Variants in VEPH1 observed in about 807,000 individuals in gnomAD.
VEPH1 encodes the protein ventricular zone-expressed PH domain-containing protein homolog 1.
VEPH1 carries 80 observed loss-of-function variants against 85.2 expected under a neutral mutation model. The observed-to-expected ratio is 0.94, with a 90% CI of 0.78 to 1.13. The LOEUF is 1.13. Among genes scored for constraint, VEPH1 ranks in the 50% most tolerant of loss-of-function variants. VEPH1 has a pLI of 0.00. For missense variants in VEPH1, 955 were observed against 980.5 expected, an observed-to-expected ratio of 0.97 and a Z score of 0.35; for synonymous variants, 297 against 348.0, an observed-to-expected ratio of 0.85 and a Z score of 1.63.
intron 4 of VEPH1, chr3:157,436,645 A>G (rs1733597451): frequency 7.3e-6 from 2 of 272,698 alleles, no homozygotes; most frequent in Non-Finnish European, 1.4e-5. Context: ...TTCCCCTCTG[A>G]CCCTCCTCCA....
At chr3:157,317,988 G>A (rs1014028411) in intron 9 of VEPH1, among the ~76,000 whole-genome samples, 2 of 152,126 alleles carry the variant, frequency 1.3e-5, no homozygotes, top group Non-Finnish European at 1.5e-5. Context: ...TAAAGATGAG[G>A]TAACAGCACA....
chr3:157,393,437 T>G (rs868017397), intron 6 of VEPH1, among the ~76,000 whole-genome samples: 17 of 152,228 alleles, frequency 1.1e-4, no homozygotes, highest in African/African-American at 3.9e-4. Context: ...AAAACAATGC[T>G]ATCAATGAAT....
chr3:157,491,642 T>G (rs904989110), intron 2 of VEPH1, among the ~76,000 whole-genome samples: 1 of 152,158 alleles, frequency 6.6e-6, no homozygotes, highest in Admixed American at 6.6e-5. Flanking sequence ...GGAGGCTTGT[T>G]TGCCACATTT....
intron 8 of VEPH1, 116 bp from the exon 9 acceptor site, chr3:157,363,877 A>T (rs751808477): frequency 1.2e-5 from 15 of 1,205,452 alleles, no homozygotes; most frequent in Non-Finnish European, 1.7e-5. Flanking sequence ...TGAAACTATT[A>T]ACAGGCCTGA....
intron 6 of VEPH1, 94 bp from the exon 7 acceptor site, chr3:157,381,470 T>C: frequency 7.8e-7 from 1 of 1,283,846 alleles, no homozygotes; most frequent in South Asian, 1.3e-5. Context: ...TTTGGGAGGC[T>C]GAGGTGGGTG....
chr3:157,483,303 G>T (rs990739980), intron 2 of VEPH1, among the ~76,000 whole-genome samples: 1 of 151,936 alleles, frequency 6.6e-6, no homozygotes, highest in Non-Finnish European at 1.5e-5. Flanking sequence ...CACTTTGAAG[G>T]TACAACACTC....
At chr3:157,268,405 G>A (rs1279379704) in intron 12 of VEPH1, among the ~76,000 whole-genome samples, 1 of 151,850 alleles carries the variant, frequency 6.6e-6, no homozygotes, top group Non-Finnish European at 1.5e-5. Flanking sequence ...AGAAAAAAGG[G>A]GAAAAATAAG....
At chr3:157,473,780 A>C (rs1025245029) in intron 2 of VEPH1, among the ~76,000 whole-genome samples, 5 of 152,118 alleles carry the variant, frequency 3.3e-5, no homozygotes, top group African/African-American at 1.2e-4. Flanking sequence ...TATAATTTAC[A>C]ATATTAAAGA....
chr3:157,261,062 T>C lies in VEPH1; in HGVS notation c.*72A>G, dbSNP rs898205937. The C allele has an allele frequency of 9.0e-6, 14 of 1,563,192 alleles. No individual in the cohort carries two copies. Among genetic ancestry groups the C allele is most frequent in the Admixed American group, 3.8e-5 (2 of 53,302 alleles). The stretch of plus-strand genomic sequence containing the variant: ...AACAACATGGCTTGGTAAATTTAGC[T>C]CTTTTTCTTGACATTGGCAATGATA... On this transcript the variant is annotated 3_prime_UTR_variant, in exon 14 of 14. Coordinates refer to ENST00000362010, the MANE Select transcript of VEPH1 (RefSeq NM_001167912.2).
chr3:157,304,907 G>A (rs1719287662), intron 11 of VEPH1, among the ~76,000 whole-genome samples: 1 of 151,828 alleles, frequency 6.6e-6, no homozygotes, highest in South Asian at 2.1e-4. Flanking sequence ...CTGAAATATG[G>A]TATTTACTGT....
intron 9 of VEPH1, among the ~76,000 whole-genome samples, chr3:157,344,783 C>A (rs115134040): frequency 2.6e-5 from 4 of 152,086 alleles, no homozygotes; most frequent in Non-Finnish European, 4.4e-5. Flanking sequence ...CAATACTACA[C>A]GGCTACAATA....
intron 10 of VEPH1, among the ~76,000 whole-genome samples, chr3:157,316,420 G>A (rs1720762902): frequency 6.6e-6 from 1 of 151,384 alleles, no homozygotes; most frequent in Non-Finnish European, 1.5e-5. Flanking sequence ...GACGATCTGA[G>A]TTCTGCCCTT....
chr3:157,289,006 T>A (rs759085946), intron 11 of VEPH1, among the ~76,000 whole-genome samples: 47 of 152,310 alleles, frequency 3.1e-4, no homozygotes, highest in Admixed American at 9.2e-4. Flanking sequence ...GACTTTTTTT[T>A]TAAAAAGTAT....
At chr3:157,408,795 G>A (rs1731324263) in intron 6 of VEPH1, among the ~76,000 whole-genome samples, 1 of 152,072 alleles carries the variant, frequency 6.6e-6, no homozygotes, top group Non-Finnish European at 1.5e-5. Context: ...AGCTGTGAAG[G>A]TCTCAACGTA....
chr3:157,431,789 T>C (rs1232256454), intron 4 of VEPH1, among the ~76,000 whole-genome samples: 4 of 151,194 alleles, frequency 2.6e-5, no homozygotes, highest in Non-Finnish European at 5.9e-5. Flanking sequence ...ATTTTTGCTT[T>C]AATTTTCATT....
intron 11 of VEPH1, among the ~76,000 whole-genome samples, chr3:157,293,762 A>G (rs1717805635): frequency 6.6e-6 from 1 of 152,248 alleles, no homozygotes; most frequent in Non-Finnish European, 1.5e-5. Context: ...ATGAAGCTAT[A>G]TAACAAGTTT....
chr3:157,381,774 A>T (rs1236569176), intron 6 of VEPH1: 1 of 186,288 alleles, frequency 5.4e-6, no homozygotes, highest in East Asian at 1.4e-4. Context: ...TGAGCAGCAG[A>T]TGATAATTCT....
intron 2 of VEPH1, among the ~76,000 whole-genome samples, chr3:157,484,549 C>A (rs1479077035): frequency 6.6e-6 from 1 of 152,138 alleles, no homozygotes; most frequent in Non-Finnish European, 1.5e-5. Context: ...AAAAAAGAAA[C>A]AGGGAAATAT....
chr3:157,401,732 ATT>A (rs374819888), intron 6 of VEPH1, among the ~76,000 whole-genome samples: 4 of 144,172 alleles, frequency 2.8e-5, no homozygotes, highest in Non-Finnish European at 3.1e-5. Context: ...TTTTTCCTTA[ATT>A]TTTTTTTTTT....
Sources: allele counts gnomAD v4.1 joint callset (sites outside exome capture counted in the v4.1 genomes callset), GRCh38; gene constraint gnomAD v4.1.1; transcripts MANE v1.5; gene names NCBI Gene and HGNC (gene_info 2026-07-23, HGNC 2026-07-21).